The following MRTFA variants were observed in gnomAD, a reference collection of about 807,000 sequenced individuals.
The protein encoded by MRTFA is myocardin related transcription factor A.
In MRTFA, 20 loss-of-function variants were observed where a neutral mutation model predicts 83.5. That is an observed-to-expected ratio of 0.24 (90% CI 0.17 to 0.35). The LOEUF is 0.35. MRTFA is among the 10% of genes least tolerant of loss of function. MRTFA has a pLI of 1.00. For missense variants in MRTFA, 1,200 were observed against 1,224.7 expected, an observed-to-expected ratio of 0.98 and a Z score of 0.30; for synonymous variants, 659 against 541.2, an observed-to-expected ratio of 1.22 and a Z score of -3.02.
At chr22:40,535,862 C>T (rs980287950) in intron 3 of MRTFA, among the ~76,000 whole-genome samples, 2 of 152,098 alleles carry the variant, frequency 1.3e-5, no homozygotes, top group African/African-American at 4.8e-5. Context: ...ACTCCAGCAC[C>T]ACAGGAGATA....
At chr22:40,476,308 A>G (rs963893755) in intron 3 of MRTFA, among the ~76,000 whole-genome samples, 3 of 152,182 alleles carry the variant, frequency 2.0e-5, no homozygotes, top group African/African-American at 7.2e-5. Context: ...AAAAGATACG[A>G]AAGAGAAGAC....
intron 4 of MRTFA, chr22:40,436,355 T>C (rs182882458): frequency 6.5e-6 from 1 of 154,374 alleles, no homozygotes. Context: ...ACCAAAAAGA[T>C]ATATGTCCAC....
In MRTFA at chr22:40,417,456, G is replaced by A; in HGVS notation, c.2402C>T (p.Ser801Phe). ...TGGGTGCTCCAGGTCCATCTGGGCA[G>A]AGGGGGCAGGCGCTGGAGAGCCAGG... is the stretch of plus-strand genomic sequence containing the variant. Residue 801 changes from serine to phenylalanine, a missense_variant, in exon 13 of 15, where the codon TCT (serine) becomes TTT (phenylalanine). This residue lies in a region of MRTFA where 1,107 missense variants were observed against 1,041.8 expected (regional missense o/e 1.06). Coordinates refer to ENST00000355630, the MANE Select transcript of MRTFA (RefSeq NM_020831.6). The A allele has an allele frequency of 4.4e-6, 7 of 1,599,836 alleles. No individual in the cohort carries two copies. The highest frequency in any genetic ancestry group is 6.0e-6 in the Non-Finnish European group (7 of 1,174,044).
At chr22:40,523,109 AAATG>A (rs780854671) in intron 3 of MRTFA, 2 of 152,084 alleles carry the variant, frequency 1.3e-5, no homozygotes, top group African/African-American at 2.4e-5. Context: ...TTTCTTTGAA[AAATG>A]AAGAAAAATG....
Position 40,431,401 on chromosome 22 carries a change from A to G in MRTFA, c.439+4T>C. 6.2e-7 allele frequency: 1 copy of G among 1,613,896 alleles called. No homozygotes were observed. The highest frequency in any genetic ancestry group is 8.5e-7 in the Non-Finnish European group (1 of 1,179,794). ...AGATGGAAAAGCAATTCCAATCTCC[A>G]CACCTTCCAAAATGTGCATCCTGAC... is the stretch of plus-strand genomic sequence containing the variant. On this transcript the variant is annotated splice_donor_region_variant and intron_variant, in intron 6 of 14. Coordinates refer to ENST00000355630, the MANE Select transcript of MRTFA (RefSeq NM_020831.6).
chr22:40,552,978 C>G (rs934112663), intron 2 of MRTFA, among the ~76,000 whole-genome samples: 1 of 152,154 alleles, frequency 6.6e-6, no homozygotes, highest in Admixed American at 6.6e-5. Context: ...CAATGAAGTA[C>G]AGGCTGAAAT....
At chr22:40,444,684 A>G (rs1011447372) in intron 4 of MRTFA, among the ~76,000 whole-genome samples, 19 of 152,032 alleles carry the variant, frequency 1.2e-4, no homozygotes, top group African/African-American at 4.4e-4. Flanking sequence ...TTCATCAGAG[A>G]AGGGATATGT....
intron 7 of MRTFA, 147 bp from the exon 8 acceptor site, chr22:40,424,528 A>T (rs2147081416): frequency 1.2e-6 from 1 of 844,738 alleles, no homozygotes; most frequent in South Asian, 1.6e-5. Flanking sequence ...ACTAGCAGCC[A>T]ATCTGCTTTC....
At chr22:40,584,558 G>A (rs1314647660) in intron 2 of MRTFA, among the ~76,000 whole-genome samples, 1 of 152,020 alleles carries the variant, frequency 6.6e-6, no homozygotes, top group Non-Finnish European at 1.5e-5. Context: ...CCAACATGGA[G>A]AAAACCTGTC....
intron 5 of MRTFA, among the ~76,000 whole-genome samples, chr22:40,434,396 A>T (rs77650808): frequency 6.6e-6 from 1 of 151,966 alleles, no homozygotes; most frequent in Admixed American, 6.6e-5. Context: ...AAAAAAAAAA[A>T]AGTCTTGGAG....
intron 3 of MRTFA, among the ~76,000 whole-genome samples, chr22:40,474,075 G>A (rs536593349): frequency 1.0e-3 from 159 of 152,202 alleles, no homozygotes; most frequent in African/African-American, 3.7e-3. Flanking sequence ...CTATAGGTTG[G>A]CACAAAAGTA....
chr22:40,474,598 CT>C (rs1450918089), intron 3 of MRTFA, among the ~76,000 whole-genome samples: 1 of 152,204 alleles, frequency 6.6e-6, no homozygotes, highest in African/African-American at 2.4e-5. Flanking sequence ...TTGTCCCAAC[CT>C]CTCTTTCCTT....
intron 3 of MRTFA, among the ~76,000 whole-genome samples, chr22:40,509,567 T>C (rs2054633982): frequency 6.6e-6 from 1 of 152,218 alleles, no homozygotes; most frequent in Admixed American, 6.5e-5. Context: ...AGTTTTCTGA[T>C]AACAACATAC....
intron 3 of MRTFA, among the ~76,000 whole-genome samples, chr22:40,532,420 A>G (rs949966746): frequency 2.6e-5 from 4 of 152,230 alleles, no homozygotes; most frequent in African/African-American, 9.6e-5. Flanking sequence ...GAGCTTTTTC[A>G]TCAAAGACAG....
rs556347307 is a variant in MRTFA at position 40,599,717 on chromosome 22, G to A, written c.-83-4982C>T. 2.0e-5 allele frequency among the ~76,000 whole-genome samples: 3 copies of A among 152,132 alleles called. No individual in the cohort carries two copies. In the East Asian group the frequency reaches 5.8e-4, roughly 29 times the overall value. On this transcript the variant is annotated intron_variant, in intron 1 of 14. Coordinates refer to ENST00000355630, the MANE Select transcript of MRTFA (RefSeq NM_020831.6). The stretch of plus-strand genomic sequence containing the variant: ...AGTTTGAGACCAGACTGGGCAATAT[G>A]GCAAAACCCCATCGCTACAAAAAAT...
At chr22:40,581,227 T>C (rs2055942319) in intron 2 of MRTFA, among the ~76,000 whole-genome samples, 1 of 152,230 alleles carries the variant, frequency 6.6e-6, no homozygotes. Flanking sequence ...AAAATGCCAC[T>C]GCTCGCTTAT....
intron 3 of MRTFA, among the ~76,000 whole-genome samples, chr22:40,502,048 C>A (rs2054492205): frequency 7.1e-6 from 1 of 140,218 alleles, no homozygotes; most frequent in Non-Finnish European, 1.6e-5. Context: ...CCCCACCTCC[C>A]TCCCGGACGG....
At position 40,552,150 on chromosome 22, in the gene MRTFA, G is replaced by T; in HGVS notation, c.197C>A (p.Pro66His). 1 of 399,026 alleles carries T rather than the reference G, an allele frequency of 2.5e-6. No homozygotes were observed. The allele number at this position is 399,026 out of a possible 1,614,324, so 24.7% of individuals were successfully genotyped here. A position where few individuals can be genotyped will look rare whatever the true frequency, so the allele number is the denominator to read the frequency against. The change falls in exon 3 of 15, where the codon CCT (proline) becomes CAT (histidine). Residue 66 changes from proline to histidine, a missense_variant. Pro to His is a moderately conservative substitution (Grantham distance 77). Transcript: ENST00000355630. ...TGGAGGCAAATTGGGATTCCTGCCA[G>T]GGTGGAGGCCTAGGGTCAGCTCGGG...
chr22:40,541,009 T>TAATA (rs2055280984), intron 3 of MRTFA, among the ~76,000 whole-genome samples: 1 of 152,088 alleles, frequency 6.6e-6, no homozygotes, highest in East Asian at 1.9e-4. Context: ...TTAGAACACA[T>TAATA]ACTGAAGGTG....
Sources: gnomAD v4.1 joint callset for allele counts (sites outside exome capture counted in the v4.1 genomes callset) on GRCh38, gnomAD v4.1.1 for gene constraint, gnomAD v4.1.1 regional missense constraint, MANE v1.5 for transcripts, NCBI Gene and HGNC (gene_info 2026-07-23, HGNC 2026-07-21) for gene names.